The following DPP10 variants were observed in gnomAD, a reference collection of about 807,000 sequenced individuals.
DPP10 encodes dipeptidyl peptidase like 10.
In DPP10, 33 loss-of-function variants were observed where a neutral mutation model predicts 120.9. The observed-to-expected ratio is 0.27, with a 90% CI of 0.21 to 0.37. The LOEUF is 0.37. Among genes scored for constraint, DPP10 ranks in the 10% least tolerant of loss-of-function variants. The probability of loss-of-function intolerance (pLI) is 1.00; values close to 1 mark genes in which losing one functional copy is unlikely to be tolerated. For synonymous variants in DPP10, 337 were observed against 326.1 expected, an observed-to-expected ratio of 1.03 and a Z score of -0.36; for missense variants, 816 against 942.8, an observed-to-expected ratio of 0.87 and a Z score of 1.76.
At chr2:115,281,552 A>G (rs2060157459) in intron 1 of DPP10, among the ~76,000 whole-genome samples, 1 of 152,202 alleles carries the variant, frequency 6.6e-6, no homozygotes, top group East Asian at 1.9e-4. Context: ...CAGAATTAGA[A>G]TATGCCCGTA....
At chr2:114,803,394 G>A (rs1684438164) in intron 1 of DPP10, among the ~76,000 whole-genome samples, 2 of 152,246 alleles carry the variant, frequency 1.3e-5, no homozygotes, top group African/African-American at 2.4e-5. Flanking sequence ...AAATGTGGAA[G>A]CAACTTTGGA....
At chr2:114,703,392 C>T (rs983235627) in intron 1 of DPP10, among the ~76,000 whole-genome samples, 6 of 152,096 alleles carry the variant, frequency 3.9e-5, no homozygotes, top group Non-Finnish European at 7.4e-5. Context: ...TGTGATTTTA[C>T]AATACATCTT....
At chr2:115,802,922 A>G (rs1209988876) in intron 19 of DPP10, among the ~76,000 whole-genome samples, 1 of 152,138 alleles carries the variant, frequency 6.6e-6, no homozygotes, top group Non-Finnish European at 1.5e-5. Context: ...TTTGGGGTGG[A>G]GAGTTCTGTA....
At chr2:115,089,897 A>T (rs1294513034) in intron 1 of DPP10, among the ~76,000 whole-genome samples, 1 of 152,188 alleles carries the variant, frequency 6.6e-6, no homozygotes, top group African/African-American at 2.4e-5. Flanking sequence ...AAACTAGGAA[A>T]TAGTTGGTTC....
intron 1 of DPP10, among the ~76,000 whole-genome samples, chr2:115,062,498 T>C (rs937912000): frequency 6.6e-6 from 1 of 152,206 alleles, no homozygotes; most frequent in Non-Finnish European, 1.5e-5. Context: ...AAGCCCAGCA[T>C]GCATTAACTA....
chr2:115,221,847 A>G lies in DPP10; in HGVS notation c.61-87392A>G, dbSNP rs191992061. 4.8e-3 allele frequency among the ~76,000 whole-genome samples: 715 copies of G among 148,536 alleles called. 5 individuals carry two copies. Among genetic ancestry groups the G allele is most frequent in the African/African-American group, 0.016 (652 of 40,108 alleles). On this transcript the variant is annotated intron_variant, in intron 1 of 25. Coordinates refer to ENST00000410059, the MANE Select transcript of DPP10 (RefSeq NM_020868.6). ...AAGCAAAACTAATAACCCCACATGG[A>G]CAGCTGATTTCTGTGTTACTTCTGC...
At chr2:115,184,364 G>A (rs998076397) in intron 1 of DPP10, among the ~76,000 whole-genome samples, 1 of 152,220 alleles carries the variant, frequency 6.6e-6, no homozygotes, top group African/African-American at 2.4e-5. Flanking sequence ...GGAGGAAGAA[G>A]AGGTCATTTC....
chr2:115,170,373 G>A (rs971843197), intron 1 of DPP10, among the ~76,000 whole-genome samples: 2 of 152,056 alleles, frequency 1.3e-5, no homozygotes, highest in African/African-American at 4.8e-5. Context: ...CAGAATAGAA[G>A]ATGAGGAACT....
intron 1 of DPP10, among the ~76,000 whole-genome samples, chr2:115,061,960 G>A (rs1348447721): frequency 1.3e-5 from 2 of 150,290 alleles, no homozygotes; most frequent in African/African-American, 4.9e-5. Flanking sequence ...TTTTCCCTTG[G>A]CTATTCTTTT....
At chr2:114,757,454 A>G (rs1679881786) in intron 1 of DPP10, among the ~76,000 whole-genome samples, 1 of 152,050 alleles carries the variant, frequency 6.6e-6, no homozygotes, top group South Asian at 2.1e-4. Context: ...AGATTCATTA[A>G]TAAGAATGAT....
At chr2:115,622,532 T>A (rs1268415947) in intron 5 of DPP10, among the ~76,000 whole-genome samples, 4 of 81,762 alleles carry the variant, frequency 4.9e-5, no homozygotes, top group East Asian at 7.1e-4. Flanking sequence ...TTTTTTTTTT[T>A]AACGTATGTT....
At chr2:115,168,909 A>T (rs1377242657) in intron 1 of DPP10, among the ~76,000 whole-genome samples, 2 of 152,226 alleles carry the variant, frequency 1.3e-5, no homozygotes, top group Non-Finnish European at 2.9e-5. Context: ...AAACTGATAA[A>T]ATAAATATTT....
intron 3 of DPP10, among the ~76,000 whole-genome samples, chr2:115,365,638 A>G (rs1295908864): frequency 1.3e-5 from 2 of 152,078 alleles, no homozygotes; most frequent in South Asian, 4.1e-4. Context: ...AGTCAAAACC[A>G]GAAAGCGTTT....
At chr2:115,592,368 A>G (rs889646997) in intron 5 of DPP10, among the ~76,000 whole-genome samples, 1 of 152,072 alleles carries the variant, frequency 6.6e-6, no homozygotes, top group East Asian at 1.9e-4. Context: ...TAGATGGTAA[A>G]TGTTTCCTTT....
intron 5 of DPP10, among the ~76,000 whole-genome samples, chr2:115,582,312 CAAG>C (rs1298128832): frequency 1.3e-5 from 2 of 152,198 alleles, no homozygotes; most frequent in South Asian, 2.1e-4. Flanking sequence ...TCGAGTGCTG[CAAG>C]AAGAAGGTCA....
intron 1 of DPP10, among the ~76,000 whole-genome samples, chr2:114,894,895 AG>A (rs1692839768): frequency 6.6e-6 from 1 of 152,200 alleles, no homozygotes; most frequent in South Asian, 2.1e-4. Context: ...GCTTATGAGA[AG>A]AAAAAATTAA....
intron 1 of DPP10, among the ~76,000 whole-genome samples, chr2:114,684,724 G>A (rs1333912684): frequency 6.6e-6 from 1 of 151,966 alleles, no homozygotes; most frequent in Non-Finnish European, 1.5e-5. Flanking sequence ...GAAGGAAAGA[G>A]GTCGGTGGAT....
intron 1 of DPP10, among the ~76,000 whole-genome samples, chr2:114,616,633 A>G (rs975448884): frequency 2.0e-5 from 3 of 152,134 alleles, no homozygotes; most frequent in Non-Finnish European, 4.4e-5. Context: ...TATCACGGTT[A>G]AGGAAAGAAG....
intron 1 of DPP10, among the ~76,000 whole-genome samples, chr2:114,755,147 A>G (rs1679609775): frequency 1.3e-5 from 2 of 152,180 alleles, no homozygotes; most frequent in African/African-American, 2.4e-5. Flanking sequence ...TAAAGGAGAA[A>G]TCTTATTTGG....
Sources: gnomAD v4.1 joint callset for allele counts (sites outside exome capture counted in the v4.1 genomes callset) on GRCh38, gnomAD v4.1.1 for gene constraint, MANE v1.5 for transcripts, NCBI Gene and HGNC (gene_info 2026-07-23, HGNC 2026-07-21) for gene names.